ANO4: variants seen among roughly 807,000 people sequenced by gnomAD.
The protein encoded by ANO4 is anoctamin-4.
ANO4 carries 69 observed loss-of-function variants against 141.9 expected under a neutral mutation model. The ratio of observed to expected loss-of-function variants is 0.49; its 90% CI spans 0.40 to 0.59. The LOEUF (loss-of-function observed/expected upper bound fraction) is 0.59, where lower values mean the gene tolerates loss of function less well. Among genes scored for constraint, ANO4 ranks in the 20% least tolerant of loss-of-function variants. The pLI is 0.00. For synonymous variants in ANO4, 350 were observed against 394.3 expected (o/e 0.89, Z 1.33); for missense variants, 894 against 1,162.2 (o/e 0.77, Z 3.36).
At chr12:101,106,891 G>GAA (rs11389258) in intron 22 of ANO4, among the ~76,000 whole-genome samples, 33,463 of 146,310 alleles carry the variant, frequency 0.23, 3,939 homozygotes, top group Admixed American at 0.29. Flanking sequence ...CTCTTCCCTT[G>GAA]AAAAAAAAAA....
At chr12:100,770,677 A>C (rs2033260159) in intron 3 of ANO4, among the ~76,000 whole-genome samples, 1 of 152,122 alleles carries the variant, frequency 6.6e-6, no homozygotes, top group African/African-American at 2.4e-5. Flanking sequence ...CTCTGAGCTC[A>C]TATTTAACCC....
At chr12:101,045,611 T>C (rs1315830689) in intron 13 of ANO4, among the ~76,000 whole-genome samples, 1 of 152,198 alleles carries the variant, frequency 6.6e-6, no homozygotes, top group Admixed American at 6.5e-5. Context: ...GGATGCTGTA[T>C]CCTTGACTCT....
In ANO4 at chr12:100,786,657, G is replaced by A. The variant is rs556934332; in HGVS notation, c.358+46552G>A. ...TCTGCCAGGCAATTCCAACTAGAAA[G>A]TGTGTTTGGAATGCTTTACTATCCC... is the stretch of plus-strand genomic sequence containing the variant. On this transcript the variant is annotated intron_variant, in intron 3 of 29. Coordinates refer to the ANO4 transcript ENST00000644049. Among the ~76,000 whole-genome samples, 424 of 152,274 alleles carry A rather than the reference G, an allele frequency of 2.8e-3. 5 individuals are homozygous for A. Among genetic ancestry groups the A allele is most frequent in the African/African-American group, 9.4e-3 (392 of 41,540 alleles).
At chr12:100,824,067 A>G (rs2036201479) in intron 1 of ANO4, among the ~76,000 whole-genome samples, 2 of 152,012 alleles carry the variant, frequency 1.3e-5, no homozygotes, top group Admixed American at 6.6e-5. Context: ...GCAGATGAGT[A>G]ATAGAAAAAT....
chr12:100,748,589 A>G (rs2032219176), intron 3 of ANO4, among the ~76,000 whole-genome samples: 1 of 152,254 alleles, frequency 6.6e-6, no homozygotes, highest in Non-Finnish European at 1.5e-5. Flanking sequence ...TCTAGAGAAC[A>G]TAGAGTTGGG....
At chr12:101,117,321 T>C (rs1471510672) in intron 25 of ANO4, among the ~76,000 whole-genome samples, 1 of 152,190 alleles carries the variant, frequency 6.6e-6, no homozygotes, top group Non-Finnish European at 1.5e-5. Context: ...TAAAAGGAAA[T>C]GAATTAAACT....
At chr12:100,957,506 G>A (rs2043218653) in intron 5 of ANO4, among the ~76,000 whole-genome samples, 1 of 152,180 alleles carries the variant, frequency 6.6e-6, no homozygotes, top group South Asian at 2.1e-4. Context: ...ATGGCCAGTG[G>A]GTTTAAATTG....
intron 12 of ANO4, among the ~76,000 whole-genome samples, chr12:101,042,727 T>C (rs1485443686): frequency 6.6e-6 from 1 of 152,244 alleles, no homozygotes; most frequent in Non-Finnish European, 1.5e-5. Context: ...CAAGCCGCCT[T>C]CATTCACTGG....
chr12:101,042,196 A>G, intron 11 of ANO4, 138 bp from the exon 12 acceptor site: 3 of 1,005,488 alleles, frequency 3.0e-6, no homozygotes, highest in Non-Finnish European at 2.9e-6. Flanking sequence ...ATTTGATGGG[A>G]TGTTCTTTTA....
chr12:100,867,928 T>C (rs1259243607), intron 1 of ANO4, among the ~76,000 whole-genome samples: 1 of 152,170 alleles, frequency 6.6e-6, no homozygotes, highest in Non-Finnish European at 1.5e-5. Flanking sequence ...GTTTTGCCAG[T>C]TGATAAATAT....
chr12:100,800,964 G>C (rs1267627808), intron 1 of ANO4, among the ~76,000 whole-genome samples: 1 of 152,202 alleles, frequency 6.6e-6, no homozygotes, highest in African/African-American at 2.4e-5. Context: ...AAGCAAATTT[G>C]ATGTCATCTC....
At chr12:100,889,546 GA>G (rs1030648534) in intron 1 of ANO4, among the ~76,000 whole-genome samples, 3 of 151,988 alleles carry the variant, frequency 2.0e-5, no homozygotes, top group African/African-American at 7.3e-5. Flanking sequence ...AAATTTACAA[GA>G]AAAAAACAAC....
At chr12:100,803,224 G>A (rs2034802023) in intron 1 of ANO4, among the ~76,000 whole-genome samples, 3 of 152,128 alleles carry the variant, frequency 2.0e-5, no homozygotes, top group African/African-American at 4.8e-5. Context: ...CTCCAACCCC[G>A]GGAGCAGAGA....
intron 1 of ANO4, among the ~76,000 whole-genome samples, chr12:100,815,108 G>A (rs1463197450): frequency 6.6e-6 from 1 of 152,034 alleles, no homozygotes; most frequent in African/African-American, 2.4e-5. Flanking sequence ...TGATGGTGGG[G>A]GGAATGGTTA....
In ANO4 at chr12:100,864,435, T is replaced by G. The variant is rs74907998; in HGVS notation, c.-140-37211T>G. On this transcript the variant is annotated intron_variant, in intron 1 of 27. Transcript: ENST00000392977. The stretch of plus-strand genomic sequence containing the variant: ...TGTACTACAAGCAATTATTTCTGAT[T>G]CCTATCCAGAATTCTGTCCTAAAAG... Among the ~76,000 whole-genome samples the G allele has an allele frequency of 2.0e-3, 302 of 152,278 alleles. 11 individuals carry two copies. The East Asian group carries it at 0.049, about 25-fold the overall frequency.
chr12:101,039,870 T>C (rs1376089376), intron 10 of ANO4, 85 bp from the exon 11 acceptor site: 2 of 1,451,522 alleles, frequency 1.4e-6, no homozygotes, highest in East Asian at 4.6e-5. Context: ...TCACAACACC[T>C]GCTGTAAGAC....
chr12:100,947,088 T>G (rs1214067957), intron 5 of ANO4, among the ~76,000 whole-genome samples: 1 of 152,156 alleles, frequency 6.6e-6, no homozygotes. Context: ...AGACAACGAA[T>G]ACAAACAGTT....
In ANO4 at chr12:100,819,118, AT is replaced by A. The variant is rs60862613; in HGVS notation, c.-141+24099del. On this transcript the variant is annotated intron_variant, in intron 1 of 27. Coordinates refer to ENST00000392977, the MANE Select transcript of ANO4 (RefSeq NM_001286615.2). ...TAACCTGAGTAATGACATTAGATGA[AT>A]TTTTTTTGTCTAGTAGGTGTTTAAA... Among the ~76,000 whole-genome samples, 51 of 150,516 alleles carry A rather than the reference AT, an allele frequency of 3.4e-4. 1 individual carries two copies. The highest frequency in any genetic ancestry group is 1.2e-3 in the African/African-American group (48 of 41,188).
In ANO4 at chr12:100,733,870, G is replaced by A. The variant is rs1246777998; in HGVS notation, c.106+13G>A. 7.3e-6 allele frequency: 5 copies of A among 686,202 alleles called. No individual in the cohort carries two copies. The Admixed American group carries it at 8.5e-5, about 12-fold the overall frequency. 42.5% of individuals were successfully genotyped at this position (686,202 alleles called of 1,614,324 possible). A position where few individuals can be genotyped will look rare whatever the true frequency, so the allele number is the denominator to read the frequency against. On this transcript the variant is annotated intron_variant, in intron 2 of 29. Transcript: ENST00000644049. ...CAGATCACCATAGGTGAGCACTAGT[G>A]TCATTTTGATTTTTTTAAAAAAATA...
Sources: allele counts gnomAD v4.1 joint callset (sites outside exome capture counted in the v4.1 genomes callset), GRCh38; gene constraint gnomAD v4.1.1; transcripts MANE v1.5; gene names NCBI Gene and HGNC (gene_info 2026-07-23, HGNC 2026-07-21).